TMC7: variants seen among roughly 807,000 people sequenced by gnomAD.
The protein encoded by TMC7 is transmembrane channel like 7.
TMC7 carries 54 observed loss-of-function variants against 82.9 expected under a neutral mutation model. The ratio of observed to expected loss-of-function variants is 0.65; its 90% CI spans 0.52 to 0.82. TMC7 has a LOEUF of 0.82. Ranked by LOEUF, TMC7 falls within the 40% of genes least tolerant of loss-of-function variation. The probability of loss-of-function intolerance (pLI) is 0.00; values close to 1 mark genes in which losing one functional copy is unlikely to be tolerated. For missense variants in TMC7, 820 were observed against 901.2 expected (o/e 0.91, Z 1.15); for synonymous variants, 350 against 337.9 (o/e 1.04, Z -0.39).
chr16:19,004,748 C>G (rs1400098272), intron 1 of TMC7, among the ~76,000 whole-genome samples: 2 of 152,166 alleles, frequency 1.3e-5, no homozygotes, highest in Admixed American at 1.3e-4. Context: ...GCTTTGGGGT[C>G]TGATAAACCT....
intron 7 of TMC7, among the ~76,000 whole-genome samples, 159 bp downstream of exon 7, chr16:19,035,982 G>A (rs1344953311): frequency 3.3e-5 from 5 of 152,102 alleles, no homozygotes; most frequent in Non-Finnish European, 5.9e-5. Flanking sequence ...GTTTCACAGC[G>A]AACACGTTAC....
At chr16:19,008,309 G>A (rs2039276677) in intron 1 of TMC7, among the ~76,000 whole-genome samples, 1 of 152,166 alleles carries the variant, frequency 6.6e-6, no homozygotes, top group Non-Finnish European at 1.5e-5. Context: ...TCTAGCTCTG[G>A]CCTGATATAG....
At chr16:19,018,022 C>A (rs1046991369) in intron 3 of TMC7, among the ~76,000 whole-genome samples, 1 of 151,956 alleles carries the variant, frequency 6.6e-6, no homozygotes, top group Non-Finnish European at 1.5e-5. Context: ...CCCATAGTCC[C>A]AGCTTCTGGG....
In TMC7 at chr16:19,062,325, C is replaced by T; in HGVS notation, c.*482C>T. ...GTGCTTACAATTTTTAATGCATGTGCCTTTATTTCACAAAACATGTGGCTG... is the reference window on the plus strand; with the variant it reads ...GTGCTTACAATTTTTAATGCATGTGTCTTTATTTCACAAAACATGTGGCTG... On this transcript the variant is annotated 3_prime_UTR_variant, in exon 16 of 16. Coordinates refer to ENST00000304381, the MANE Select transcript of TMC7 (RefSeq NM_024847.4). 1 of 153,000 alleles carries T rather than the reference C, an allele frequency of 6.5e-6. No individual in the cohort carries two copies. The highest frequency in any genetic ancestry group is 1.5e-5 in the Non-Finnish European group (1 of 68,516). The allele number at this position is 153,000 out of a possible 1,614,324, so 9.5% of individuals were successfully genotyped here.
chr16:19,001,124 AT>A lies in TMC7; in HGVS notation c.68-8041del, dbSNP rs561625068. 3.9e-5 allele frequency among the ~76,000 whole-genome samples: 6 copies of A among 152,270 alleles called. No individual in the cohort carries two copies. In the South Asian group the frequency reaches 1.0e-3, roughly 26 times the overall value. On this transcript the variant is annotated intron_variant, in intron 1 of 15. Transcript: ENST00000304381. ...GTTAAATTCCTAAAATCTTTTACTCATTTTTTTGACACCCTTTCTTTCCTGG... is the reference window on the plus strand; with the variant it reads ...GTTAAATTCCTAAAATCTTTTACTCATTTTTTGACACCCTTTCTTTCCTGG...
At chr16:18,995,910 G>A (rs1429799401) in intron 1 of TMC7, among the ~76,000 whole-genome samples, 1 of 152,130 alleles carries the variant, frequency 6.6e-6, no homozygotes, top group Non-Finnish European at 1.5e-5. Flanking sequence ...GGACAGTAAA[G>A]TGTCTAAGGG....
intron 1 of TMC7, among the ~76,000 whole-genome samples, chr16:18,989,413 G>GT (rs944041010): frequency 1.3e-4 from 20 of 151,982 alleles, no homozygotes; most frequent in Middle Eastern, 3.4e-3. Flanking sequence ...TTTTTTGTTT[G>GT]TTTTTTTCAG....
At chr16:18,984,378 C>G (rs752330349) in intron 1 of TMC7, 3 of 1,271,274 alleles carry the variant, frequency 2.4e-6, no homozygotes, top group Non-Finnish European at 3.0e-6. Flanking sequence ...CAGTCTGGAC[C>G]GTGGTGGGTT....
intron 6 of TMC7, among the ~76,000 whole-genome samples, chr16:19,035,332 A>G (rs1438122252): frequency 6.6e-6 from 1 of 152,180 alleles, no homozygotes; most frequent in Non-Finnish European, 1.5e-5. Flanking sequence ...TGTGCTCAGT[A>G]CCTGGATGAT....
chr16:19,033,996 C>T (rs1596769859), intron 6 of TMC7, among the ~76,000 whole-genome samples: 2 of 152,206 alleles, frequency 1.3e-5, no homozygotes, highest in East Asian at 3.8e-4. Flanking sequence ...GAGGACTGTG[C>T]ATGGCATCTG....
chr16:19,059,953 G>A lies in TMC7; in HGVS notation c.2106+459G>A. The A allele has an allele frequency of 8.4e-6, 3 of 356,768 alleles. No homozygotes were observed. The South Asian group carries it at 9.3e-5, about 11-fold the overall frequency. 22.1% of individuals were successfully genotyped at this position (356,768 alleles called of 1,614,324 possible). A position where few individuals can be genotyped will look rare whatever the true frequency, so the allele number is the denominator to read the frequency against. Reference sequence around the variant, plus strand: ...GATTGCGCTATTGCACTCCAGCCTGGGTGACAGAGTGAGACTCCATCTTAA... The same window carrying A: ...GATTGCGCTATTGCACTCCAGCCTGAGTGACAGAGTGAGACTCCATCTTAA... On this transcript the variant is annotated intron_variant, in intron 15 of 15. Transcript: ENST00000304381.
At chr16:19,019,894 T>C (rs950913214) in intron 3 of TMC7, among the ~76,000 whole-genome samples, 2 of 152,214 alleles carry the variant, frequency 1.3e-5, no homozygotes, top group Non-Finnish European at 2.9e-5. Flanking sequence ...GATTGCTAAG[T>C]ATTAGACAGT....
chr16:19,042,420 C>T (rs1325676071), intron 9 of TMC7, among the ~76,000 whole-genome samples: 1 of 152,134 alleles, frequency 6.6e-6, no homozygotes, highest in Non-Finnish European at 1.5e-5. Flanking sequence ...AGCAATTCTC[C>T]CACCTCAGCC....
At chr16:18,987,100 C>T (rs1185694468) in intron 1 of TMC7, among the ~76,000 whole-genome samples, 4 of 151,860 alleles carry the variant, frequency 2.6e-5, no homozygotes, top group South Asian at 2.1e-4. Context: ...CCACCGTACC[C>T]GGCCATAGAG....
chr16:19,035,707 C>T lies in TMC7; in HGVS notation c.889C>T (p.Arg297Trp). The T allele has an allele frequency of 8.1e-6, 13 of 1,614,106 alleles. No homozygotes were observed. Among genetic ancestry groups the T allele is most frequent in the Non-Finnish European group, 1.1e-5 (13 of 1,180,012 alleles). ...SVEGFKINLI[R>W]SEEHFQSYCN... The stretch of plus-strand genomic sequence containing the variant: ...GGAAGGATTCAAAATCAACCTGATT[C>T]GGAGTGAGGAGCACTTTCAGAGTTA... The change falls in exon 7 of 16, where the codon CGG becomes TGG. Residue 297 changes from arginine (R) to tryptophan (W), a missense_variant. Physicochemically the swap from Arg to Trp is moderately radical, Grantham distance 101. Transcript: ENST00000304381.
chr16:19,020,103 A>G (rs79549239), intron 3 of TMC7, among the ~76,000 whole-genome samples: 2,176 of 152,318 alleles, frequency 0.014, 59 homozygotes, highest in African/African-American at 0.05. Flanking sequence ...GAAAAAAAAT[A>G]TGATCATCCC....
intron 1 of TMC7, among the ~76,000 whole-genome samples, chr16:18,985,766 G>A (rs1221165459): frequency 2.2e-5 from 3 of 139,120 alleles, no homozygotes; most frequent in Non-Finnish European, 4.6e-5. Flanking sequence ...GACTGTGTTT[G>A]TAACTTTGTA....
At chr16:19,051,242 T>A (rs1255558493) in intron 12 of TMC7, among the ~76,000 whole-genome samples, 2 of 151,626 alleles carry the variant, frequency 1.3e-5, no homozygotes, top group African/African-American at 2.4e-5. Context: ...CAAAATCTTT[T>A]TTTTTTTTTT....
intron 5 of TMC7, among the ~76,000 whole-genome samples, chr16:19,027,658 C>G (rs1960299476): frequency 6.6e-6 from 1 of 152,054 alleles, no homozygotes; most frequent in South Asian, 2.1e-4. Context: ...CAGGTTTCTT[C>G]TGGTTGGACA....
Sources: allele counts gnomAD v4.1 joint callset (sites outside exome capture counted in the v4.1 genomes callset), GRCh38; gene constraint gnomAD v4.1.1; transcripts MANE v1.5; gene names NCBI Gene and HGNC (gene_info 2026-07-23, HGNC 2026-07-21).